HSD17B12: variants seen among roughly 807,000 people sequenced by gnomAD.
HSD17B12 encodes hydroxysteroid 17-beta dehydrogenase 12, also known as very-long-chain 3-oxoacyl-CoA reductase.
Under a neutral mutation model 39.3 loss-of-function variants are expected in HSD17B12, and 32 were observed. That is an observed-to-expected ratio of 0.81 (90% CI 0.61 to 1.09). The LOEUF (loss-of-function observed/expected upper bound fraction) is 1.09. Among genes scored for constraint, HSD17B12 ranks in the 50% least tolerant of loss-of-function variants. The probability of loss-of-function intolerance (pLI) is 0.00; values close to 1 mark genes in which losing one functional copy is unlikely to be tolerated. For synonymous variants in HSD17B12, 150 were observed against 146.7 expected, an observed-to-expected ratio of 1.02 and a Z score of -0.16; for missense variants, 342 against 382.9, an observed-to-expected ratio of 0.89 and a Z score of 0.89.
At chr11:43,818,681 G>A (rs1446581246) in intron 6 of HSD17B12, among the ~76,000 whole-genome samples, 2 of 152,222 alleles carry the variant, frequency 1.3e-5, no homozygotes, top group Non-Finnish European at 2.9e-5. Context: ...TTCAGTTTAA[G>A]TGAGGTAAAC....
At chr11:43,594,408 A>G in the HSD17B12 span, among the ~76,000 whole-genome samples, 1 of 152,156 alleles carries the variant, frequency 6.6e-6, no homozygotes, top group Non-Finnish European at 1.5e-5. Flanking sequence ...AAAGCATTCA[A>G]TATAGAAAAA....
At chr11:43,687,138 G>A (rs1346778549) in intron 1 of HSD17B12, among the ~76,000 whole-genome samples, 2 of 152,172 alleles carry the variant, frequency 1.3e-5, no homozygotes, top group Non-Finnish European at 2.9e-5. Context: ...TAAGTTAAAT[G>A]TATATTTTAA....
intron 1 of HSD17B12, among the ~76,000 whole-genome samples, chr11:43,728,476 T>TAA (rs540685992): frequency 1.3e-5 from 2 of 148,672 alleles, no homozygotes; most frequent in Non-Finnish European, 3.0e-5. Context: ...TCCAGCTAAG[T>TAA]AAAAAAAAAA....
At chr11:43,709,380 C>T (rs1342796775) in intron 1 of HSD17B12, among the ~76,000 whole-genome samples, 1 of 152,236 alleles carries the variant, frequency 6.6e-6, no homozygotes, top group East Asian at 1.9e-4. Flanking sequence ...CCTGCCTTGG[C>T]CTCCCAAAGT....
chr11:43,607,988 G>A, the HSD17B12 span, among the ~76,000 whole-genome samples: 1 of 152,174 alleles, frequency 6.6e-6, no homozygotes, highest in Admixed American at 6.6e-5. Context: ...GCTCCTGTCT[G>A]GACTTTAACT....
At chr11:43,566,060 C>T in the HSD17B12 span, among the ~76,000 whole-genome samples, 1 of 152,208 alleles carries the variant, frequency 6.6e-6, no homozygotes, top group East Asian at 1.9e-4. Context: ...AGTTTCTACA[C>T]TTAACAGCTA....
chr11:43,708,382 A>G (rs1005598058), intron 1 of HSD17B12, among the ~76,000 whole-genome samples: 8 of 152,176 alleles, frequency 5.3e-5, no homozygotes, highest in Non-Finnish European at 7.4e-5. Context: ...GTATCTCTTT[A>G]TTAATCTTTC....
At chr11:43,672,373 A>G in the HSD17B12 span, among the ~76,000 whole-genome samples, 1 of 151,882 alleles carries the variant, frequency 6.6e-6, no homozygotes, top group Non-Finnish European at 1.5e-5. Context: ...TAGTGAAGAC[A>G]TCTTGGTTCT....
At chr11:43,579,895 C>T in the HSD17B12 span, among the ~76,000 whole-genome samples, 1 of 151,986 alleles carries the variant, frequency 6.6e-6, no homozygotes, top group Admixed American at 6.5e-5. Context: ...GCGCGCCCGC[C>T]CGCACGTCGA....
chr11:43,569,761 T>C, the HSD17B12 span: 1 of 152,638 alleles, frequency 6.6e-6, no homozygotes, highest in Non-Finnish European at 1.5e-5. Context: ...CTCTTGCTTG[T>C]TGTAGGAGCG....
intron 3 of HSD17B12, among the ~76,000 whole-genome samples, chr11:43,777,353 A>T (rs2135001566): frequency 6.6e-6 from 1 of 152,136 alleles, no homozygotes; most frequent in Admixed American, 6.5e-5. Flanking sequence ...TAGGTATTTT[A>T]TTCTCTTTGA....
intron 1 of HSD17B12, among the ~76,000 whole-genome samples, chr11:43,708,029 A>T (rs955206972): frequency 6.6e-6 from 1 of 152,126 alleles, no homozygotes; most frequent in Admixed American, 6.6e-5. Flanking sequence ...AAGGGCATTA[A>T]TCCCATTAAT....
chr11:43,609,959 A>G, the HSD17B12 span, among the ~76,000 whole-genome samples: 1 of 152,302 alleles, frequency 6.6e-6, no homozygotes, highest in African/African-American at 2.4e-5. Context: ...TTAAATCTAT[A>G]CCAATGATTA....
chr11:43,568,102 T>A, the HSD17B12 span, among the ~76,000 whole-genome samples: 1 of 152,086 alleles, frequency 6.6e-6, no homozygotes, highest in African/African-American at 2.4e-5. Flanking sequence ...TTTTATTTAT[T>A]TATTTATTTA....
At chr11:43,721,293 T>C (rs1950173840) in intron 1 of HSD17B12, among the ~76,000 whole-genome samples, 1 of 152,006 alleles carries the variant, frequency 6.6e-6, no homozygotes, top group Non-Finnish European at 1.5e-5. Flanking sequence ...TGAGTGGCCT[T>C]AGTGTGAGAA....
At position 43,778,586 on chromosome 11, in the gene HSD17B12, A is replaced by G. The variant is rs11037631; in HGVS notation, c.284-19734A>G. Among the ~76,000 whole-genome samples, 653 of 151,568 alleles carry G rather than the reference A, an allele frequency of 4.3e-3. 7 individuals carry two copies. In the East Asian group the frequency reaches 0.049, roughly 11 times the overall value. ...ATGAACATTGATGCAAAAATCCTCA[A>G]TAAAATACTGGCAAACCAAATCCAG... On this transcript the variant is annotated intron_variant, in intron 3 of 10. Transcript: ENST00000278353.
chr11:43,819,274 C>A (rs1407325352), intron 6 of HSD17B12, among the ~76,000 whole-genome samples: 1 of 152,228 alleles, frequency 6.6e-6, no homozygotes, highest in African/African-American at 2.4e-5. Context: ...GTGTAAAACC[C>A]TGGCCTCTTC....
chr11:43,798,507 T>A, intron 4 of HSD17B12, 80 bp downstream of exon 4: 1 of 842,556 alleles, frequency 1.2e-6, no homozygotes, highest in South Asian at 1.5e-5. Flanking sequence ...AGTGGTAAAA[T>A]GACTAGTGAG....
At chr11:43,583,360 G>A in the HSD17B12 span, among the ~76,000 whole-genome samples, 2 of 152,194 alleles carry the variant, frequency 1.3e-5, no homozygotes, top group African/African-American at 4.8e-5. Flanking sequence ...GCCTCGCCTC[G>A]CCTCAGCCAG....
Sources: gnomAD v4.1 joint callset for allele counts (sites outside exome capture counted in the v4.1 genomes callset) on GRCh38, gnomAD v4.1.1 for gene constraint, MANE v1.5 for transcripts, NCBI Gene and HGNC (gene_info 2026-07-23, HGNC 2026-07-21) for gene names.